The following EZR variants were observed in gnomAD, a reference collection of about 807,000 sequenced individuals.
EZR encodes ezrin.
A neutral mutation model predicts 74.8 loss-of-function variants in EZR; 40 were observed. The ratio of observed to expected loss-of-function variants is 0.53; its 90% confidence interval spans 0.42 to 0.70. EZR has a LOEUF of 0.70. EZR is among the 30% of genes least tolerant of loss of function. The probability of loss-of-function intolerance (pLI) is 0.00; values close to 1 mark genes in which losing one functional copy is unlikely to be tolerated. For synonymous variants in EZR, 341 were observed against 283.3 expected, an observed-to-expected ratio of 1.20 and a Z score of -2.05; for missense variants, 678 against 755.8, an observed-to-expected ratio of 0.90 and a Z score of 1.21.
At chr6:158,818,281 CG>C (rs1777607651) in intron 1 of EZR, 115 bp from the exon 2 acceptor site, 4 of 451,518 alleles carry the variant, frequency 8.9e-6, no homozygotes, top group Non-Finnish European at 1.5e-5. Context: ...AGCCCGGGCC[CG>C]GGTGAGTCAG....
chr6:158,818,653 G>A (rs377400780), intron 1 of EZR, among the ~76,000 whole-genome samples: 1 of 151,028 alleles, frequency 6.6e-6, no homozygotes, highest in Non-Finnish European at 1.5e-5. Flanking sequence ...TGCACCCAGC[G>A]GAGAGAGGCG....
chr6:158,783,702 T>G lies in EZR; in HGVS notation c.552-36A>C, dbSNP rs111260539. On this transcript the variant is annotated intron_variant, in intron 6 of 13. Coordinates refer to ENST00000367075, the MANE Select transcript of EZR (RefSeq NM_001111077.2). ...AGAGTGAAACAGGCAGAGTCACTGG[T>G]AGCACTCAATATCTAGAACAGTAAA... The G allele has an allele frequency of 8.3e-4, 1,324 of 1,602,430 alleles. 12 individuals are homozygous for G. In the African/African-American group the frequency reaches 0.016, roughly 19 times the overall value.
chr6:158,801,267 A>G (rs751555826), intron 2 of EZR, among the ~76,000 whole-genome samples: 4 of 152,110 alleles, frequency 2.6e-5, no homozygotes, highest in Non-Finnish European at 5.9e-5. Flanking sequence ...GGCGTGCATC[A>G]CCATGCCCAG....
In EZR at chr6:158,785,480, T is replaced by C; in HGVS notation, c.296A>G (p.Gln99Arg). The change falls in exon 5 of 14, where the codon CAG becomes CGG. Residue 99 changes from glutamine (Q) to arginine (R), a missense_variant. Coordinates refer to ENST00000367075, the MANE Select transcript of EZR (RefSeq NM_001111077.2). ...VAEELIQDIT[Q>R]KLFFLQVKEG... ...CTTCACTTGGAGGAAGAAAAGTTTCTGGGTGATGTCCTGGATGAGCTCCTC... is the reference window on the plus strand; with the variant it reads ...CTTCACTTGGAGGAAGAAAAGTTTCCGGGTGATGTCCTGGATGAGCTCCTC... The C allele has an allele frequency of 1.2e-6, 2 of 1,614,224 alleles. No individual in the cohort carries two copies. Among genetic ancestry groups the C allele is most frequent in the Non-Finnish European group, 1.7e-6 (2 of 1,180,034 alleles).
chr6:158,805,266 G>C (rs985713250), intron 2 of EZR, among the ~76,000 whole-genome samples: 5 of 149,984 alleles, frequency 3.3e-5, no homozygotes, highest in South Asian at 2.1e-4. Flanking sequence ...TTGAACCAGG[G>C]AGTCGGAGGC....
intron 8 of EZR, among the ~76,000 whole-genome samples, chr6:158,771,886 T>C (rs1791122429): frequency 6.6e-6 from 1 of 152,170 alleles, no homozygotes; most frequent in Non-Finnish European, 1.5e-5. Context: ...CTGCCTCTGC[T>C]GCTATTTGGG....
intron 2 of EZR, 128 bp from the exon 3 acceptor site, chr6:158,789,499 A>G (rs771882366): frequency 5.8e-6 from 5 of 867,422 alleles, no homozygotes; most frequent in Non-Finnish European, 2.0e-6. Context: ...TTCCTGTGCT[A>G]GTCAGGAAGC....
intron 2 of EZR, among the ~76,000 whole-genome samples, chr6:158,802,200 A>G (rs1284181597): frequency 2.0e-5 from 3 of 152,200 alleles, no homozygotes; most frequent in African/African-American, 7.2e-5. Flanking sequence ...CAAGGTCATA[A>G]CTACAGACTT....
At chr6:158,769,661 C>T (rs1791034639) in intron 11 of EZR, 123 bp downstream of exon 11, 2 of 1,399,316 alleles carry the variant, frequency 1.4e-6, no homozygotes, top group East Asian at 2.3e-5. Context: ...CTGCCTTCAG[C>T]CCCCCAGCAG....
rs1220366913 is a variant in EZR, at chr6:158,783,399, T to G, written c.698+121A>C. 12 of 702,604 alleles carry G rather than the reference T, an allele frequency of 1.7e-5. 3 individuals carry two copies. Among genetic ancestry groups the G allele is most frequent in the Non-Finnish European group, 2.8e-5 (12 of 433,128 alleles). The allele number at this position is 702,604 out of a possible 1,614,324, so 43.5% of individuals were successfully genotyped here. A position where few individuals can be genotyped will look rare whatever the true frequency, so the allele number is the denominator to read the frequency against. ...TCCAAAAGCCCTTTAAAAAGTTTCCTACTTTGGGATAGTAAGTTGCTAAAT... is the reference window on the plus strand; with the variant it reads ...TCCAAAAGCCCTTTAAAAAGTTTCCGACTTTGGGATAGTAAGTTGCTAAAT... On this transcript the variant is annotated intron_variant, in intron 7 of 13. Transcript: ENST00000367075.
intron 12 of EZR, 67 bp downstream of exon 12, chr6:158,769,259 G>GC: frequency 7.1e-7 from 1 of 1,412,468 alleles, no homozygotes; most frequent in Non-Finnish European, 9.9e-7. Flanking sequence ...CTGCAGAAGG[G>GC]CCCCACCGCA....
chr6:158,811,669 G>C (rs375973562), intron 2 of EZR, among the ~76,000 whole-genome samples: 1 of 152,110 alleles, frequency 6.6e-6, no homozygotes, highest in African/African-American at 2.4e-5. Context: ...GAGACTAGCC[G>C]CCTGGGCCAC....
chr6:158,799,567 T>A (rs1422433590), intron 2 of EZR, among the ~76,000 whole-genome samples: 2 of 152,372 alleles, frequency 1.3e-5, no homozygotes, highest in Admixed American at 1.3e-4. Context: ...TCTCTCTGGA[T>A]CCTAATCCCC....
intron 2 of EZR, among the ~76,000 whole-genome samples, chr6:158,810,849 A>T (rs970098842): frequency 6.6e-6 from 1 of 152,202 alleles, no homozygotes; most frequent in African/African-American, 2.4e-5. Context: ...ACTGATAAAA[A>T]CTTTGTCTCC....
chr6:158,813,445 A>C (rs1407858122), intron 2 of EZR, among the ~76,000 whole-genome samples: 1 of 152,206 alleles, frequency 6.6e-6, no homozygotes, highest in Non-Finnish European at 1.5e-5. Context: ...AAATACATTC[A>C]TTGTGCCTTA....
In EZR at chr6:158,775,691, A is replaced by C. The variant is rs571333642; in HGVS notation, c.795+717T>G. ...AATTTTTTAGAGAACTAGATTTCTG[A>C]TTAGATAACAAAATCCTTACCCATT... On this transcript the variant is annotated intron_variant, in intron 8 of 13. Coordinates refer to ENST00000367075, the MANE Select transcript of EZR (RefSeq NM_001111077.2). Among the ~76,000 whole-genome samples, 54 of 152,364 alleles carry C rather than the reference A, an allele frequency of 3.5e-4. No individual in the cohort carries two copies. The South Asian group carries it at 9.7e-3, about 27-fold the overall frequency.
rs189642865 is a variant in EZR, at chr6:158,777,349, G to A, written c.699-845C>T. ...TTCCAGGACAGCCTTCAAACTAACC[G>A]CCCTAATGAAGGCCCCACAGGGCTA... On this transcript the variant is annotated intron_variant, in intron 7 of 13. Coordinates refer to ENST00000367075, the MANE Select transcript of EZR (RefSeq NM_001111077.2). Among the ~76,000 whole-genome samples, 106 of 152,286 alleles carry A rather than the reference G, an allele frequency of 7.0e-4. 2 individuals carry two copies. The East Asian group carries it at 0.015, about 21-fold the overall frequency.
At chr6:158,769,659 A>G (rs1791034509) in intron 11 of EZR, 125 bp downstream of exon 11, 2 of 1,389,548 alleles carry the variant, frequency 1.4e-6, no homozygotes, top group African/African-American at 1.4e-5. Context: ...AGCTGCCTTC[A>G]GCCCCCCAGC....
In EZR at chr6:158,800,797, C is replaced by T. The variant is rs546301081; in HGVS notation, c.13-11426G>A. On this transcript the variant is annotated intron_variant, in intron 2 of 13. Coordinates refer to ENST00000367075, the MANE Select transcript of EZR (RefSeq NM_001111077.2). ...AGCCTGGGTGACAGAGTGAGACTGT[C>T]TCAAAAAGAAAAAAAAATTGTACTA... Among the ~76,000 whole-genome samples the T allele has an allele frequency of 1.4e-4, 21 of 151,758 alleles. No individual in the cohort carries two copies. The South Asian group carries it at 4.2e-3, about 30-fold the overall frequency.
Sources: gnomAD v4.1 joint callset for allele counts (sites outside exome capture counted in the v4.1 genomes callset) on GRCh38, gnomAD v4.1.1 for gene constraint, MANE v1.5 for transcripts, NCBI Gene and HGNC (gene_info 2026-07-23, HGNC 2026-07-21) for gene names.